Variants in DLG2 observed in about 807,000 individuals in gnomAD.
DLG2 encodes disks large homolog 2.
Under a neutral mutation model 132.5 loss-of-function variants are expected in DLG2, and 45 were observed. The ratio of observed to expected loss-of-function variants is 0.34; its 90% confidence interval spans 0.27 to 0.44. DLG2 has a LOEUF of 0.44. DLG2 is among the 20% of genes least tolerant of loss of function. The probability of loss-of-function intolerance (pLI) is 1.00; values close to 1 mark genes in which losing one functional copy is unlikely to be tolerated. For synonymous variants in DLG2, 424 were observed against 419.6 expected (o/e 1.01, Z -0.13); for missense variants, 1,045 against 1,196.9 (o/e 0.87, Z 1.87).
At chr11:84,380,973 C>G (rs1005201445) in intron 7 of DLG2, among the ~76,000 whole-genome samples, 3 of 151,700 alleles carry the variant, frequency 2.0e-5, no homozygotes, top group Non-Finnish European at 4.4e-5. Flanking sequence ...ACATTGTTAA[C>G]AGTGTCCCTT....
chr11:85,590,647 C>CTA (rs1470577622), intron 3 of DLG2, among the ~76,000 whole-genome samples: 390 of 151,158 alleles, frequency 2.6e-3, no homozygotes, highest in Non-Finnish European at 3.1e-3. Flanking sequence ...CTCTCTCTCT[C>CTA]TCTCTATATA....
chr11:84,628,467 T>C (rs1470876191), intron 6 of DLG2, among the ~76,000 whole-genome samples: 2 of 152,236 alleles, frequency 1.3e-5, no homozygotes, highest in East Asian at 1.9e-4. Context: ...TTCCAAATTA[T>C]CCTAGAATAT....
chr11:84,224,081 C>T (rs2096955765), intron 8 of DLG2, among the ~76,000 whole-genome samples: 1 of 152,172 alleles, frequency 6.6e-6, no homozygotes, highest in African/African-American at 2.4e-5. Flanking sequence ...TCCTGCCTTC[C>T]CCTAACTCCT....
At chr11:83,670,236 C>G (rs1365708433) in intron 18 of DLG2, among the ~76,000 whole-genome samples, 1 of 152,114 alleles carries the variant, frequency 6.6e-6, no homozygotes, top group Non-Finnish European at 1.5e-5. Flanking sequence ...CATTTCCAGG[C>G]TTCTTCTACG....
chr11:84,878,190 GA>G (rs1353699027), intron 6 of DLG2, among the ~76,000 whole-genome samples: 1 of 152,150 alleles, frequency 6.6e-6, no homozygotes, highest in Non-Finnish European at 1.5e-5. Flanking sequence ...AATGCCATGT[GA>G]CCCAGCAATC....
chr11:85,366,666 T>G (rs569228583), intron 3 of DLG2, among the ~76,000 whole-genome samples: 4 of 152,224 alleles, frequency 2.6e-5, no homozygotes, highest in East Asian at 1.9e-4. Flanking sequence ...TCAGAATTTT[T>G]GGGGGGTAGA....
intron 21 of DLG2, among the ~76,000 whole-genome samples, chr11:83,529,527 A>G (rs1377131630): frequency 6.6e-6 from 1 of 152,148 alleles, no homozygotes; most frequent in Non-Finnish European, 1.5e-5. Flanking sequence ...AACTGCAAAT[A>G]GAGAATAATT....
At chr11:83,972,895 A>T (rs1201554611) in intron 12 of DLG2, among the ~76,000 whole-genome samples, 1 of 152,132 alleles carries the variant, frequency 6.6e-6, no homozygotes, top group Non-Finnish European at 1.5e-5. Flanking sequence ...TAAGGTACAC[A>T]GTCAAAGCTC....
chr11:85,312,117 C>T (rs768102571), intron 3 of DLG2, among the ~76,000 whole-genome samples: 5 of 151,898 alleles, frequency 3.3e-5, no homozygotes, highest in Non-Finnish European at 7.4e-5. Context: ...CTGTACATTC[C>T]TCTATAGTAA....
chr11:84,746,047 T>C (rs1173251026), intron 6 of DLG2, among the ~76,000 whole-genome samples: 1 of 152,006 alleles, frequency 6.6e-6, no homozygotes, highest in African/African-American at 2.4e-5. Flanking sequence ...AAGTGAGAGG[T>C]ACAAAAATGG....
At chr11:85,509,775 T>C (rs1203465036) in intron 3 of DLG2, among the ~76,000 whole-genome samples, 1 of 152,072 alleles carries the variant, frequency 6.6e-6, no homozygotes, top group East Asian at 1.9e-4. Context: ...CATTAATCTA[T>C]GAATCACTGA....
chr11:84,780,919 G>A (rs1160258865), intron 6 of DLG2, among the ~76,000 whole-genome samples: 1 of 150,558 alleles, frequency 6.6e-6, no homozygotes, highest in Non-Finnish European at 1.5e-5. Flanking sequence ...TGTTTAGAAC[G>A]GCTGAGTAGC....
intron 9 of DLG2, among the ~76,000 whole-genome samples, chr11:84,117,223 G>A (rs1430783887): frequency 2.0e-5 from 3 of 152,104 alleles, no homozygotes; most frequent in Non-Finnish European, 4.4e-5. Flanking sequence ...TTTATCTTTG[G>A]CTTTATGTTC....
At chr11:84,799,309 C>A (rs572723766) in intron 6 of DLG2, among the ~76,000 whole-genome samples, 3 of 152,190 alleles carry the variant, frequency 2.0e-5, no homozygotes, top group Non-Finnish European at 4.4e-5. Flanking sequence ...CTGGGCAGCA[C>A]TGAGTTCAAT....
At chr11:83,504,531 TAGG>T (rs1029981426) in intron 21 of DLG2, among the ~76,000 whole-genome samples, 2 of 152,160 alleles carry the variant, frequency 1.3e-5, no homozygotes, top group African/African-American at 4.8e-5. Context: ...GACTTAAAAG[TAGG>T]AGGAGCCCAA....
At chr11:84,823,638 C>T (rs1044012966) in intron 6 of DLG2, among the ~76,000 whole-genome samples, 2 of 149,504 alleles carry the variant, frequency 1.3e-5, no homozygotes, top group Admixed American at 1.3e-4. Flanking sequence ...CTTCATATTC[C>T]CCTGCCGAGC....
rs541171870 is a variant in DLG2 at position 85,278,506 on chromosome 11, G to A, written c.186+6714C>T. ...TCTCAGCTACTCAGGAGGCTGAGGC[G>A]GGAGAATCGCTTGAACCTGGGAGGT... On this transcript the variant is annotated intron_variant, in intron 4 of 27. Coordinates refer to ENST00000376104, the MANE Select transcript of DLG2 (RefSeq NM_001142699.3). 1.2e-4 allele frequency among the ~76,000 whole-genome samples: 18 copies of A among 152,110 alleles called. No homozygotes were observed. In the East Asian group the frequency reaches 1.6e-3, roughly 13 times the overall value.
chr11:84,493,241 C>A (rs1227841803), intron 7 of DLG2, among the ~76,000 whole-genome samples: 1 of 152,076 alleles, frequency 6.6e-6, no homozygotes, highest in Non-Finnish European at 1.5e-5. Flanking sequence ...TTACTTTTGG[C>A]AGAGGCTCAG....
At chr11:83,919,646 T>G (rs1187837187) in intron 15 of DLG2, among the ~76,000 whole-genome samples, 1 of 152,188 alleles carries the variant, frequency 6.6e-6, no homozygotes, top group African/African-American at 2.4e-5. Flanking sequence ...CTGGATTGCA[T>G]ATCCTCAGAA....
Sources: allele counts gnomAD v4.1 joint callset (sites outside exome capture counted in the v4.1 genomes callset), GRCh38; gene constraint gnomAD v4.1.1; transcripts MANE v1.5; gene names NCBI Gene and HGNC (gene_info 2026-07-23, HGNC 2026-07-21).